ZBTB34: variants seen among roughly 807,000 people sequenced by gnomAD.
ZBTB34 encodes zinc finger and BTB domain-containing protein 34.
Under a neutral mutation model 33.4 loss-of-function variants are expected in ZBTB34, and 1 was observed. The ratio of observed to expected loss-of-function variants is 0.03; its 90% CI spans 0.01 to 0.14. The LOEUF (loss-of-function observed/expected upper bound fraction) is 0.14. Among genes scored for constraint, ZBTB34 ranks in the 10% least tolerant of loss-of-function variants. The pLI, the probability that ZBTB34 is intolerant of heterozygous loss-of-function variation, is 1.00. For synonymous variants in ZBTB34, 283 were observed against 253.5 expected (o/e 1.12, Z -1.11); for missense variants, 406 against 657.2 (o/e 0.62, Z 4.18).
intron 1 of ZBTB34, among the ~76,000 whole-genome samples, chr9:126,868,292 G>A (rs1342307843): frequency 1.3e-5 from 2 of 152,160 alleles, no homozygotes; most frequent in East Asian, 3.9e-4. Flanking sequence ...ATGTCAAGCA[G>A]CATTACTTAC....
intron 1 of ZBTB34, among the ~76,000 whole-genome samples, chr9:126,866,117 TTC>T (rs1247258127): frequency 6.6e-6 from 1 of 151,980 alleles, no homozygotes; most frequent in Non-Finnish European, 1.5e-5. Context: ...ATTCTCAGCC[TTC>T]TCTCTTTTTT....
intron 1 of ZBTB34, among the ~76,000 whole-genome samples, chr9:126,863,098 T>G (rs1490143340): frequency 1.3e-5 from 2 of 152,194 alleles, no homozygotes; most frequent in African/African-American, 4.8e-5. Context: ...AAAAGTCATG[T>G]GATTCTTCAT....
rs749563037 is a variant in ZBTB34, at chr9:126,879,686, T to C, written c.287T>C (p.Met96Thr). ...CTTTCTTTTTGTTACACTGGAAGAA[T>C]GTCCTTGCAGCTGAAGGATGTTGTC... is the stretch of plus-strand genomic sequence containing the variant. Residue 96 changes from methionine to threonine, a missense_variant, in exon 2 of 2, where the codon ATG becomes ACG. Physicochemically the swap from Met to Thr is moderately conservative, Grantham distance 81. Transcript: ENST00000319119. The surrounding 1 kb of genome is among the most constrained non-coding windows in gnomAD (Gnocchi z 6.4). The C allele has an allele frequency of 6.2e-7, 1 of 1,613,602 alleles. No homozygotes were observed. The highest frequency in any genetic ancestry group is 8.5e-7 in the Non-Finnish European group (1 of 1,179,890).
chr9:126,882,694 C>T (rs1165435829), exon 2 of ZBTB34: 3 of 167,070 alleles, frequency 1.8e-5, no homozygotes, highest in Non-Finnish European at 4.4e-5. Context: ...AACGAAGGAC[C>T]AGCCTCAGAG....
chr9:126,874,869 C>G (rs374453151), intron 1 of ZBTB34, among the ~76,000 whole-genome samples: 6 of 152,266 alleles, frequency 3.9e-5, no homozygotes, highest in African/African-American at 1.4e-4. Flanking sequence ...CTTCTCTGAC[C>G]ACTCCCCCAT....
At chr9:126,861,189 C>T (rs1015328427) in intron 1 of ZBTB34, among the ~76,000 whole-genome samples, 2 of 152,314 alleles carry the variant, frequency 1.3e-5, no homozygotes, top group East Asian at 1.9e-4. Context: ...GTCGGCCCTT[C>T]GGGTGGCTGC....
At chr9:126,875,054 A>G (rs531273901) in intron 1 of ZBTB34, among the ~76,000 whole-genome samples, 1 of 152,344 alleles carries the variant, frequency 6.6e-6, no homozygotes, top group East Asian at 1.9e-4. Flanking sequence ...TTAGTATTCT[A>G]GATCTGCACT....
intron 1 of ZBTB34, chr9:126,863,842 T>A: frequency 3.4e-6 from 1 of 296,048 alleles, no homozygotes. Context: ...GTTATTTGCC[T>A]TAAGAAAGCT....
intron 1 of ZBTB34, among the ~76,000 whole-genome samples, chr9:126,876,178 CCT>C (rs1400739198): frequency 0.014 from 6 of 428 alleles, no homozygotes; most frequent in South Asian, 0.1. Flanking sequence ...CCCCTTCCCC[CCT>C]TTCCCCCTTC....
intron 1 of ZBTB34, among the ~76,000 whole-genome samples, chr9:126,872,231 G>A (rs1281451156): frequency 1.3e-5 from 2 of 152,120 alleles, no homozygotes; most frequent in African/African-American, 2.4e-5. Flanking sequence ...GATTACAGGC[G>A]TGAGCCACCG....
intron 1 of ZBTB34, among the ~76,000 whole-genome samples, chr9:126,874,730 C>T (rs974947512): frequency 6.6e-5 from 10 of 152,294 alleles, no homozygotes; most frequent in African/African-American, 1.9e-4. Flanking sequence ...GTCCTTCCTC[C>T]CCAACCCTTT....
chr9:126,861,834 G>A (rs767579386), intron 1 of ZBTB34, among the ~76,000 whole-genome samples: 39 of 152,298 alleles, frequency 2.6e-4, no homozygotes, highest in Middle Eastern at 3.4e-3. Flanking sequence ...CAGCTTCTAA[G>A]CTGGTCGCTG....
chr9:126,884,677 T>C (rs2033496164), exon 2 of ZBTB34: 1 of 167,126 alleles, frequency 6.0e-6, no homozygotes, highest in Non-Finnish European at 1.5e-5. Flanking sequence ...TGTGTGGTTT[T>C]GTTTTTATTT....
At chr9:126,881,115 G>C in exon 2 of ZBTB34, 1 of 599,264 alleles carries the variant, frequency 1.7e-6, no homozygotes, top group South Asian at 2.2e-5. Flanking sequence ...AGCATGAAGG[G>C]CAACGCATCC....
chr9:126,872,593 T>C (rs1032870151), intron 1 of ZBTB34, among the ~76,000 whole-genome samples: 1 of 152,138 alleles, frequency 6.6e-6, no homozygotes, highest in Non-Finnish European at 1.5e-5. Flanking sequence ...GGCTCTGACC[T>C]CCTCTATCCT....
intron 1 of ZBTB34, among the ~76,000 whole-genome samples, chr9:126,862,380 G>A (rs765047285): frequency 6.6e-6 from 1 of 152,114 alleles, no homozygotes; most frequent in Non-Finnish European, 1.5e-5. Context: ...AAGAGGCCAC[G>A]GCAGTTATAC....
At chr9:126,885,660 C>T (rs779556961) in exon 2 of ZBTB34, 25 of 167,032 alleles carry the variant, frequency 1.5e-4, no homozygotes, top group Non-Finnish European at 1.5e-5. Flanking sequence ...CAACTAGTAA[C>T]TTGCCATTAA....
chr9:126,863,875 C>T (rs1383239503), intron 1 of ZBTB34, among the ~76,000 whole-genome samples: 1 of 152,218 alleles, frequency 6.6e-6, no homozygotes, highest in Non-Finnish European at 1.5e-5. Context: ...AACAAATCCT[C>T]TCAATTAATG....
intron 1 of ZBTB34, among the ~76,000 whole-genome samples, chr9:126,862,447 C>T (rs1246496541): frequency 6.6e-6 from 1 of 152,116 alleles, no homozygotes; most frequent in Non-Finnish European, 1.5e-5. Context: ...CAGCCACCGC[C>T]CACCCTGTCT....
Sources: allele counts gnomAD v4.1 joint callset (sites outside exome capture counted in the v4.1 genomes callset), GRCh38; gene constraint gnomAD v4.1.1; non-coding constraint Gnocchi (gnomAD v3.1); transcripts MANE v1.5; gene names NCBI Gene and HGNC (gene_info 2026-07-23, HGNC 2026-07-21).